PLCB4: variants seen among roughly 807,000 people sequenced by gnomAD.
The protein encoded by PLCB4 is 1-phosphatidylinositol 4,5-bisphosphate phosphodiesterase beta-4.
A neutral mutation model predicts 178.8 loss-of-function variants in PLCB4; 77 were observed. The ratio of observed to expected loss-of-function variants is 0.43; its 90% CI spans 0.36 to 0.52. PLCB4 has a LOEUF of 0.52. Ranked by LOEUF, PLCB4 falls within the 20% of genes least tolerant of loss-of-function variation. The pLI is 0.00. For synonymous variants in PLCB4, 496 were observed against 490.8 expected (o/e 1.01, Z -0.14); for missense variants, 1,024 against 1,453.4 (o/e 0.70, Z 4.80).
intron 3 of PLCB4, among the ~76,000 whole-genome samples, chr20:9,253,988 G>T (rs564273916): frequency 6.6e-6 from 1 of 152,268 alleles, no homozygotes; most frequent in African/African-American, 2.4e-5. Context: ...AAGTATGTTT[G>T]GTCTGCCCAG....
chr20:9,244,997 C>A (rs1209918784), intron 3 of PLCB4, among the ~76,000 whole-genome samples: 9 of 152,130 alleles, frequency 5.9e-5, no homozygotes, highest in Admixed American at 6.5e-5. Flanking sequence ...TGGTGGCTGT[C>A]TGGGCAAGAG....
intron 22 of PLCB4, 40 bp from the exon 23 acceptor site, chr20:9,408,585 GGGTTTGAT>G (rs11470510): frequency 0.099 from 90,021 of 911,102 alleles, 6,687 homozygotes; most frequent in African/African-American, 0.32. Flanking sequence ...TTTTCGGTGA[GGGTTTGAT>G]GGCAGAGTTC....
intron 2 of PLCB4, among the ~76,000 whole-genome samples, chr20:9,171,859 C>T (rs888152499): frequency 6.6e-6 from 1 of 152,054 alleles, no homozygotes; most frequent in Non-Finnish European, 1.5e-5. Flanking sequence ...TTTTAAGCCT[C>T]AATGGAATGG....
Position 9,338,071 on chromosome 20 carries a change from C to T in PLCB4, c.225+4C>T, listed in dbSNP as rs745611746. On this transcript the variant is annotated splice_donor_region_variant and intron_variant, in intron 6 of 39. Transcript: ENST00000378473. The stretch of plus-strand genomic sequence containing the variant: ...TCGGTCGGGAGCCATACCAAAGGTA[C>T]CTGTGATTGGTATTTGCTTTTCTAA... 1.2e-5 allele frequency: 19 copies of T among 1,593,128 alleles called. 1 individual carries two copies. In the South Asian group the frequency reaches 1.8e-4, roughly 15 times the overall value.
At chr20:9,088,162 G>GCTTTT (rs71331362) in intron 1 of PLCB4, among the ~76,000 whole-genome samples, 1 of 142,748 alleles carries the variant, frequency 7.0e-6, no homozygotes, top group Non-Finnish European at 1.5e-5. Context: ...ATTTATTATG[G>GCTTTT]CTTTTCTTTT....
chr20:9,140,050 A>G (rs2092456648), intron 2 of PLCB4, among the ~76,000 whole-genome samples: 1 of 152,026 alleles, frequency 6.6e-6, no homozygotes, highest in Admixed American at 6.6e-5. Flanking sequence ...TTGCCTTCTA[A>G]CTTTTTCTGG....
intron 7 of PLCB4, among the ~76,000 whole-genome samples, chr20:9,341,667 T>C (rs1369889427): frequency 1.3e-5 from 2 of 149,398 alleles, no homozygotes; most frequent in Non-Finnish European, 3.0e-5. Context: ...GTGTAACTTT[T>C]ACTGAAAAAA....
chr20:9,184,634 A>G (rs1332375689), intron 2 of PLCB4, among the ~76,000 whole-genome samples: 1 of 141,374 alleles, frequency 7.1e-6, no homozygotes, highest in Non-Finnish European at 1.6e-5. Flanking sequence ...TCTGGTTTTT[A>G]TGATTAGGAG....
chr20:9,303,334 T>A (rs1215794670), intron 3 of PLCB4, among the ~76,000 whole-genome samples: 2 of 152,306 alleles, frequency 1.3e-5, no homozygotes, highest in Admixed American at 1.3e-4. Context: ...GATTATCAAC[T>A]CCACATTCCC....
At chr20:9,299,354 G>A (rs548394199) in intron 3 of PLCB4, among the ~76,000 whole-genome samples, 102 of 152,038 alleles carry the variant, frequency 6.7e-4, no homozygotes, top group African/African-American at 2.4e-3. Flanking sequence ...TTAAAATACA[G>A]GGAAGTATTA....
At chr20:9,196,424 T>G (rs141815755) in intron 2 of PLCB4, among the ~76,000 whole-genome samples, 1 of 152,290 alleles carries the variant, frequency 6.6e-6, no homozygotes, top group African/African-American at 2.4e-5. Context: ...TATCTTAGAC[T>G]TTGATGAAGG....
At chr20:9,406,531 C>A (rs1479135670) in intron 21 of PLCB4, among the ~76,000 whole-genome samples, 2 of 151,350 alleles carry the variant, frequency 1.3e-5, no homozygotes. Flanking sequence ...CTCTGTTGCC[C>A]AGGCTGGAGT....
Position 9,421,285 on chromosome 20 carries a change from G to C in PLCB4, c.2155-12G>C. 1 of 1,598,646 alleles carries C rather than the reference G, an allele frequency of 6.3e-7. No individual in the cohort carries two copies. The highest frequency in any genetic ancestry group is 8.6e-7 in the Non-Finnish European group (1 of 1,168,708). On this transcript the variant is annotated splice_polypyrimidine_tract_variant and intron_variant, in intron 26 of 39. Coordinates refer to ENST00000378473, the MANE Select transcript of PLCB4 (RefSeq NM_001377142.1). ...AGCTTACTTCTCTTTGCTCTCGTTC[G>C]TGCTGCTACAGGTTATATCAGGTCA...
chr20:9,315,730 C>T (rs1021041563), intron 4 of PLCB4, among the ~76,000 whole-genome samples: 5 of 152,002 alleles, frequency 3.3e-5, no homozygotes, highest in South Asian at 4.2e-4. Context: ...ATCAGGAGTT[C>T]GAGACCAGCC....
rs2093475864 is a variant in PLCB4, at chr20:9,196,639, T to G, written c.-78-20751T>G. On this transcript the variant is annotated intron_variant, in intron 2 of 39. Transcript: ENST00000378473. ...CAAGGCAAAGAAGGGTTGTGGAAAG[T>G]CATGAAGATTAGGGGTAGCCAAAAC... Among the ~76,000 whole-genome samples, 3 of 152,164 alleles carry G rather than the reference T, an allele frequency of 2.0e-5. 1 individual carries two copies. In the South Asian group the frequency reaches 6.2e-4, roughly 32 times the overall value.
At chr20:9,464,999 A>C (rs1315124974) in intron 35 of PLCB4, among the ~76,000 whole-genome samples, 3 of 152,228 alleles carry the variant, frequency 2.0e-5, no homozygotes, top group Non-Finnish European at 4.4e-5. Context: ...TTTTAGACCA[A>C]TATCCCTGAT....
chr20:9,116,146 CGCGT>C (rs1702089983), intron 2 of PLCB4, among the ~76,000 whole-genome samples: 2 of 150,128 alleles, frequency 1.3e-5, no homozygotes, highest in South Asian at 2.1e-4. Flanking sequence ...TGTGTGTGTG[CGCGT>C]GTGTGTGTGT....
intron 25 of PLCB4, 75 bp from the exon 26 acceptor site, chr20:9,419,732 T>G: frequency 2.2e-6 from 2 of 897,646 alleles, no homozygotes; most frequent in Non-Finnish European, 3.8e-6. Context: ...AAAGGAAGCA[T>G]CCATTGTTTC....
chr20:9,460,161 A>G (rs2043300817), intron 35 of PLCB4, among the ~76,000 whole-genome samples: 1 of 152,250 alleles, frequency 6.6e-6, no homozygotes, highest in Non-Finnish European at 1.5e-5. Flanking sequence ...TACAACACCC[A>G]TATGAACAGT....
Sources: gnomAD v4.1 joint callset for allele counts (sites outside exome capture counted in the v4.1 genomes callset) on GRCh38, gnomAD v4.1.1 for gene constraint, MANE v1.5 for transcripts, NCBI Gene and HGNC (gene_info 2026-07-23, HGNC 2026-07-21) for gene names.